The following FSTL5 variants were observed in gnomAD, a reference collection of about 807,000 sequenced individuals.
FSTL5 encodes follistatin like 5.
In FSTL5, 62 loss-of-function variants were observed where a neutral mutation model predicts 89.1. The observed-to-expected ratio is 0.70, with a 90% confidence interval of 0.57 to 0.86. The LOEUF is 0.86. Among genes scored for constraint, FSTL5 ranks in the 40% least tolerant of loss-of-function variants. The pLI, the probability that FSTL5 is intolerant of heterozygous loss-of-function variation, is 0.00. For missense variants in FSTL5, 1,057 were observed against 1,001.6 expected, an observed-to-expected ratio of 1.06 and a Z score of -0.75; for synonymous variants, 383 against 346.2, an observed-to-expected ratio of 1.11 and a Z score of -1.18.
At chr4:161,456,537 C>T (rs567880900) in intron 14 of FSTL5, among the ~76,000 whole-genome samples, 20 of 152,334 alleles carry the variant, frequency 1.3e-4, no homozygotes, top group Admixed American at 1.0e-3. Context: ...ATCGATTTCT[C>T]TTCCAGCTTA....
chr4:161,596,035 T>G (rs1344416319), intron 7 of FSTL5, among the ~76,000 whole-genome samples: 2 of 152,040 alleles, frequency 1.3e-5, no homozygotes, highest in East Asian at 1.9e-4. Flanking sequence ...TTTCCTAGCT[T>G]TTTATGTATA....
chr4:161,882,634 G>A (rs892794761), intron 4 of FSTL5, among the ~76,000 whole-genome samples: 1 of 151,970 alleles, frequency 6.6e-6, no homozygotes, highest in Non-Finnish European at 1.5e-5. Context: ...AACTTCAAAG[G>A]ATGACTAAGG....
chr4:161,954,483 T>A (rs1283253887), intron 3 of FSTL5, among the ~76,000 whole-genome samples: 1 of 150,554 alleles, frequency 6.6e-6, no homozygotes, highest in Non-Finnish European at 1.5e-5. Context: ...CTTCATCCCT[T>A]CAGACCACCC....
intron 3 of FSTL5, among the ~76,000 whole-genome samples, chr4:161,943,764 C>A (rs1217861221): frequency 6.6e-6 from 1 of 151,686 alleles, no homozygotes; most frequent in East Asian, 1.9e-4. Flanking sequence ...ACCGTGTTAG[C>A]CAGCATGGTC....
intron 7 of FSTL5, among the ~76,000 whole-genome samples, chr4:161,593,566 G>C (rs1433472816): frequency 6.6e-6 from 1 of 151,764 alleles, no homozygotes; most frequent in Non-Finnish European, 1.5e-5. Context: ...AGGAAGAAGG[G>C]ATGAGGAGGG....
At chr4:161,810,902 A>G (rs1730116456) in intron 4 of FSTL5, among the ~76,000 whole-genome samples, 1 of 152,184 alleles carries the variant, frequency 6.6e-6, no homozygotes, top group African/African-American at 2.4e-5. Context: ...ACAAATGAGT[A>G]ACACCACCAA....
At chr4:161,705,952 GTATATATATATA>G (rs1206067350) in intron 6 of FSTL5, among the ~76,000 whole-genome samples, 7 of 30,662 alleles carry the variant, frequency 2.3e-4, no homozygotes, top group African/African-American at 1.0e-3. Context: ...GTAGATGTGT[GTATATATATATA>G]TATATATATA....
chr4:162,111,329 G>T lies in FSTL5; in HGVS notation c.68C>A (p.Thr23Asn), dbSNP rs1420703863. ...FIFLESEGRP[T>N]KEGGYGLKSY... Reference sequence around the variant, plus strand: ...TTTAAGGCCATATCCTCCTTCTTTGGTTGGCCTTCCTTCCGACTCCAGAAA... The same window carrying T: ...TTTAAGGCCATATCCTCCTTCTTTGTTTGGCCTTCCTTCCGACTCCAGAAA... Residue 23 changes from threonine to asparagine, a missense_variant, in exon 2 of 16, where the codon ACC becomes AAC. Around this residue, in one of 3 missense-constraint regions of FSTL5, gnomAD observed 980 missense variants for 903.2 expected, o/e 1.08. Transcript: ENST00000306100. The T allele has an allele frequency of 6.2e-7, 1 of 1,611,586 alleles. No homozygotes were observed. Among genetic ancestry groups the T allele is most frequent in the East Asian group, 2.2e-5 (1 of 44,774 alleles).
intron 6 of FSTL5, among the ~76,000 whole-genome samples, chr4:161,737,408 G>A (rs574215039): frequency 9.9e-5 from 15 of 152,150 alleles, no homozygotes; most frequent in African/African-American, 3.6e-4. Flanking sequence ...TAGTAGGAAG[G>A]ATCACGTAAT....
intron 3 of FSTL5, among the ~76,000 whole-genome samples, chr4:161,955,834 A>C (rs567127491): frequency 2.0e-5 from 3 of 151,898 alleles, no homozygotes; most frequent in African/African-American, 7.2e-5. Context: ...TGAGACAATT[A>C]GACGTTTTAA....
intron 4 of FSTL5, among the ~76,000 whole-genome samples, chr4:161,884,538 A>G (rs1732739492): frequency 6.6e-6 from 1 of 152,202 alleles, no homozygotes; most frequent in Non-Finnish European, 1.5e-5. Context: ...AATCTGCAAA[A>G]CAACAATGAA....
At chr4:161,413,007 G>C (rs1035006923) in intron 15 of FSTL5, among the ~76,000 whole-genome samples, 6 of 152,022 alleles carry the variant, frequency 3.9e-5, no homozygotes, top group African/African-American at 1.4e-4. Context: ...CCTTGACAAA[G>C]AATTTTTTAC....
chr4:161,704,694 G>T (rs1579035135), intron 6 of FSTL5, among the ~76,000 whole-genome samples: 1 of 152,080 alleles, frequency 6.6e-6, no homozygotes, highest in African/African-American at 2.4e-5. Context: ...CAGATTGATG[G>T]TTACCTAAGC....
At chr4:161,985,958 C>T (rs1735952706) in intron 3 of FSTL5, among the ~76,000 whole-genome samples, 1 of 152,092 alleles carries the variant, frequency 6.6e-6, no homozygotes, top group African/African-American at 2.4e-5. Flanking sequence ...TCATGTGTAA[C>T]TGTCACAATT....
At chr4:161,682,930 A>G (rs1737575029) in intron 6 of FSTL5, among the ~76,000 whole-genome samples, 1 of 151,994 alleles carries the variant, frequency 6.6e-6, no homozygotes, top group Non-Finnish European at 1.5e-5. Context: ...TATTTTTAGT[A>G]GAGATGGGGT....
intron 2 of FSTL5, among the ~76,000 whole-genome samples, chr4:162,066,285 C>A (rs182265260): frequency 3.1e-5 from 4 of 127,368 alleles, no homozygotes; most frequent in African/African-American, 1.1e-4. Context: ...CCTCCTCCTC[C>A]TCCTCCTCCT....
intron 12 of FSTL5, chr4:161,495,455 G>A (rs1303211076): frequency 6.6e-6 from 1 of 151,888 alleles, no homozygotes; most frequent in Non-Finnish European, 1.5e-5. Flanking sequence ...CATACTCCAG[G>A]TGACAAGATG....
At chr4:161,560,679 C>A (rs188694519) in intron 8 of FSTL5, among the ~76,000 whole-genome samples, 128 of 151,754 alleles carry the variant, frequency 8.4e-4, no homozygotes, top group African/African-American at 2.9e-3. Context: ...GGTCAGGGGA[C>A]CTGTGTAGGT....
rs1560840976 is a variant in FSTL5, at chr4:161,779,799, A to ATATG, written c.410-3726_410-3725insCATA. Among the ~76,000 whole-genome samples, 225 of 39,978 alleles carry ATATG rather than the reference A, an allele frequency of 5.6e-3. 10 individuals are homozygous for ATATG. Among genetic ancestry groups the ATATG allele is most frequent in the Middle Eastern group, 0.045 (2 of 44 alleles). 26.2% of individuals were successfully genotyped at this position (39,978 alleles called of 152,430 possible). A position where few individuals can be genotyped will look rare whatever the true frequency, so the allele number is the denominator to read the frequency against. On this transcript the variant is annotated intron_variant, in intron 4 of 15. Coordinates refer to ENST00000306100, the MANE Select transcript of FSTL5 (RefSeq NM_020116.5). ...TGTATATATATATATATATATATAT[A>ATATG]TATATATATATGTATATATATATAT...
Sources: allele counts gnomAD v4.1 joint callset (sites outside exome capture counted in the v4.1 genomes callset), GRCh38; gene constraint gnomAD v4.1.1; regional missense constraint gnomAD v4.1.1; transcripts MANE v1.5; gene names NCBI Gene and HGNC (gene_info 2026-07-23, HGNC 2026-07-21).